The following DPYSL5 variants were observed in gnomAD, a reference collection of about 807,000 sequenced individuals.
DPYSL5 encodes the protein dihydropyrimidinase-related protein 5.
Under a neutral mutation model 58.4 loss-of-function variants are expected in DPYSL5, and 9 were observed. The ratio of observed to expected loss-of-function variants is 0.15; its 90% CI spans 0.09 to 0.27. The LOEUF (loss-of-function observed/expected upper bound fraction) is 0.27, where lower values mean the gene tolerates loss of function less well. Ranked by LOEUF, DPYSL5 falls within the 10% of genes least tolerant of loss-of-function variation. The pLI, the probability that DPYSL5 is intolerant of heterozygous loss-of-function variation, is 1.00. For synonymous variants in DPYSL5, 293 were observed against 301.9 expected, an observed-to-expected ratio of 0.97 and a Z score of 0.31; for missense variants, 499 against 770.6, an observed-to-expected ratio of 0.65 and a Z score of 4.17.
At chr2:26,851,946 C>CAA (rs61279420) in intron 1 of DPYSL5, among the ~76,000 whole-genome samples, 1 of 144,770 alleles carries the variant, frequency 6.9e-6, no homozygotes, top group African/African-American at 2.5e-5. Flanking sequence ...GACTCTATCT[C>CAA]AAAAAAAAAA....
chr2:26,936,506 C>G (rs562746430), intron 8 of DPYSL5, among the ~76,000 whole-genome samples: 1 of 152,184 alleles, frequency 6.6e-6, no homozygotes, highest in East Asian at 1.9e-4. Flanking sequence ...GTACGCACCA[C>G]GGCATGGGGA....
At position 26,933,404 on chromosome 2, in the gene DPYSL5, C is replaced by T. The variant is rs903829122; in HGVS notation, c.790+71C>T. On this transcript the variant is annotated intron_variant, in intron 7 of 12. Transcript: ENST00000288699. The surrounding 1 kb of genome is among the most constrained non-coding windows in gnomAD (Gnocchi z 4.2). ...CTGGAGATGGATGGGGCCCATTAGC[C>T]GTGCTCACTCCTGGCCCCGGCTCCT... 17 of 1,440,120 alleles carry T rather than the reference C, an allele frequency of 1.2e-5. No individual in the cohort carries two copies. Among genetic ancestry groups the T allele is most frequent in the Admixed American group, 5.1e-5 (3 of 59,040 alleles). 89.2% of individuals were successfully genotyped at this position (1,440,120 alleles called of 1,614,324 possible).
At position 26,934,640 on chromosome 2, in the gene DPYSL5, C is replaced by T. The variant is rs1277047066; in HGVS notation, c.853C>T (p.His285Tyr). The change falls in exon 8 of 13, where the codon CAC (histidine) becomes TAC (tyrosine). Residue 285 changes from histidine (H) to tyrosine (Y), a missense_variant. Coordinates refer to ENST00000288699, the MANE Select transcript of DPYSL5 (RefSeq NM_020134.4). This position sits in a 1 kb window ranked among gnomAD's most constrained non-coding sequence, Gnocchi z 4.3. The stretch of plus-strand genomic sequence containing the variant: ...CACGCTGACAGGCTTACACTACTAC[C>T]ACCAGGACTGGTCCCACGCGGCTGC... ...HATLTGLHYY[H>Y]QDWSHAAAYV... 3 of 1,614,084 alleles carry T rather than the reference C, an allele frequency of 1.9e-6. No individual in the cohort carries two copies. The highest frequency in any genetic ancestry group is 2.5e-6 in the Non-Finnish European group (3 of 1,180,042).
At position 26,934,180 on chromosome 2, in the gene DPYSL5, C is replaced by T. The variant is rs925552178; in HGVS notation, c.791-398C>T. Among the ~76,000 whole-genome samples the T allele has an allele frequency of 6.6e-6, 1 of 152,194 alleles. No individual in the cohort carries two copies. The highest frequency in any genetic ancestry group is 2.4e-5 in the African/African-American group (1 of 41,436). On this transcript the variant is annotated intron_variant, in intron 7 of 12. Transcript: ENST00000288699. The surrounding 1 kb of genome is among the most constrained non-coding windows in gnomAD (Gnocchi z 4.3). ...TACCACAACCGTTCTCTTGAAGCTG[C>T]TCACAGCAACTGCCTGTCCAGAAAA...
rs1384341447 is a variant in DPYSL5, at chr2:26,877,405, A to C, written c.-4-21091A>C. Among the ~76,000 whole-genome samples, 1 of 152,234 alleles carries C rather than the reference A, an allele frequency of 6.6e-6. No homozygotes were observed. Among genetic ancestry groups the C allele is most frequent in the Non-Finnish European group, 1.5e-5 (1 of 68,038 alleles). On this transcript the variant is annotated intron_variant, in intron 1 of 12. Transcript: ENST00000288699. This position sits in a 1 kb window ranked among gnomAD's most constrained non-coding sequence, Gnocchi z 4.1. ...AACAATGTGGACACTAAGAGAATACATGTAACTCATGGATGCAGGGGACGC... is the reference window on the plus strand; with the variant it reads ...AACAATGTGGACACTAAGAGAATACCTGTAACTCATGGATGCAGGGGACGC...
chr2:26,908,093 G>A (rs1664344985), intron 2 of DPYSL5, among the ~76,000 whole-genome samples: 1 of 152,108 alleles, frequency 6.6e-6, no homozygotes, highest in African/African-American at 2.4e-5. Flanking sequence ...GTTATTATTT[G>A]TAAAGAACTT....
Position 26,933,162 on chromosome 2 carries a change from G to C in DPYSL5, c.715-96G>C. On this transcript the variant is annotated intron_variant, in intron 6 of 12. Coordinates refer to ENST00000288699, the MANE Select transcript of DPYSL5 (RefSeq NM_020134.4). The surrounding 1 kb of genome is among the most constrained non-coding windows in gnomAD (Gnocchi z 4.2). ...GGTGGGGTTGAGTGACGCAGGGGGA[G>C]GCGCTGGTGCCAGGGCTGACTTTGC... 3 of 1,078,966 alleles carry C rather than the reference G, an allele frequency of 2.8e-6. 1 individual carries two copies. The East Asian group carries it at 7.1e-5, about 26-fold the overall frequency. The allele number at this position is 1,078,966 out of a possible 1,614,324, so 66.8% of individuals were successfully genotyped here. A position where few individuals can be genotyped will look rare whatever the true frequency, so the allele number is the denominator to read the frequency against.
At chr2:26,891,732 G>A (rs1663886166) in intron 1 of DPYSL5, among the ~76,000 whole-genome samples, 1 of 152,058 alleles carries the variant, frequency 6.6e-6, no homozygotes, top group Non-Finnish European at 1.5e-5. Context: ...GAGTATAGTG[G>A]CATGATCTTG....
intron 2 of DPYSL5, among the ~76,000 whole-genome samples, chr2:26,909,412 T>A (rs1664375749): frequency 6.6e-6 from 1 of 152,118 alleles, no homozygotes; most frequent in African/African-American, 2.4e-5. Flanking sequence ...CATAAATAAT[T>A]TTCCTGTTTA....
At position 26,927,437 on chromosome 2, in the gene DPYSL5, G is replaced by T. The variant is rs1014168538; in HGVS notation, c.600+5G>T. The T allele has an allele frequency of 6.2e-7, 1 of 1,613,354 alleles. No homozygotes were observed. On this transcript the variant is annotated splice_donor_5th_base_variant and intron_variant, in intron 4 of 12. Coordinates refer to ENST00000288699, the MANE Select transcript of DPYSL5 (RefSeq NM_020134.4). The surrounding 1 kb of genome is among the most constrained non-coding windows in gnomAD (Gnocchi z 4.3). ...AATGGGGAGCTTGTGGCCGAGGCAA[G>T]TCTGCAGCCAAGAATATTGGATGGA... is the stretch of plus-strand genomic sequence containing the variant.
intron 12 of DPYSL5, among the ~76,000 whole-genome samples, chr2:26,945,078 G>A (rs1180938839): frequency 6.6e-6 from 1 of 152,100 alleles, no homozygotes; most frequent in South Asian, 2.1e-4. Flanking sequence ...TCTAAGTTCA[G>A]ATATTTTTGT....
chr2:26,866,732 CT>C (rs1298358466), intron 1 of DPYSL5, among the ~76,000 whole-genome samples: 259 of 132,862 alleles, frequency 1.9e-3, no homozygotes, highest in South Asian at 4.0e-3. Flanking sequence ...AATTCTTCTT[CT>C]TTTTTTTTTT....
At chr2:26,865,501 G>A (rs1271080050) in intron 1 of DPYSL5, among the ~76,000 whole-genome samples, 1 of 151,722 alleles carries the variant, frequency 6.6e-6, no homozygotes, top group Non-Finnish European at 1.5e-5. Context: ...TTTGTGTAGA[G>A]ACAGGGTTTC....
chr2:26,901,429 T>C (rs2148139086), intron 2 of DPYSL5, among the ~76,000 whole-genome samples: 1 of 152,188 alleles, frequency 6.6e-6, no homozygotes, highest in South Asian at 2.1e-4. Flanking sequence ...ATGTTGTGGC[T>C]CCTGCAGCCG....
At chr2:26,887,111 G>C (rs533735333) in intron 1 of DPYSL5, among the ~76,000 whole-genome samples, 1 of 152,344 alleles carries the variant, frequency 6.6e-6, no homozygotes, top group South Asian at 2.1e-4. Flanking sequence ...TCACATGACA[G>C]TGTTTTTGAT....
At chr2:26,912,475 C>T (rs1664466593) in intron 2 of DPYSL5, among the ~76,000 whole-genome samples, 1 of 152,182 alleles carries the variant, frequency 6.6e-6, no homozygotes, top group African/African-American at 2.4e-5. Flanking sequence ...TAATAAACAT[C>T]ATCATGGCCT....
intron 2 of DPYSL5, among the ~76,000 whole-genome samples, chr2:26,912,086 C>G (rs549537036): frequency 6.6e-6 from 1 of 152,340 alleles, no homozygotes; most frequent in African/African-American, 2.4e-5. Context: ...CGGGATGCCC[C>G]TGAGCTGTCA....
chr2:26,866,986 G>A (rs565219683), intron 1 of DPYSL5, among the ~76,000 whole-genome samples: 4 of 151,526 alleles, frequency 2.6e-5, no homozygotes, highest in Non-Finnish European at 4.4e-5. Context: ...CGCATGCCTC[G>A]GCCTCCCAAA....
chr2:26,864,593 G>C (rs1482733282), intron 1 of DPYSL5, among the ~76,000 whole-genome samples: 2 of 152,200 alleles, frequency 1.3e-5, no homozygotes, highest in African/African-American at 4.8e-5. Context: ...GCAACTGTCA[G>C]TAAAGTGACA....
Sources: gnomAD v4.1 joint callset for allele counts (sites outside exome capture counted in the v4.1 genomes callset) on GRCh38, gnomAD v4.1.1 for gene constraint, Gnocchi (gnomAD v3.1) non-coding constraint, MANE v1.5 for transcripts, NCBI Gene and HGNC (gene_info 2026-07-23, HGNC 2026-07-21) for gene names.